NUP153: variants seen among roughly 807,000 people sequenced by gnomAD.
NUP153 encodes the protein nucleoporin 153, also known as nuclear pore complex protein Nup153.
A neutral mutation model predicts 134.6 loss-of-function variants in NUP153; 27 were observed. That is an observed-to-expected ratio of 0.20 (90% CI 0.15 to 0.28). The LOEUF is 0.28. Among genes scored for constraint, NUP153 ranks in the 10% least tolerant of loss-of-function variants. NUP153 has a pLI of 1.00. For missense variants in NUP153, 1,821 were observed against 1,731.3 expected, an observed-to-expected ratio of 1.05 and a Z score of -0.92; for synonymous variants, 640 against 623.5, an observed-to-expected ratio of 1.03 and a Z score of -0.40.
At chr6:17,669,081 C>CAT in intron 7 of NUP153, 53 bp from the exon 8 acceptor site, 6 of 930,274 alleles carry the variant, frequency 6.4e-6, no homozygotes, top group Non-Finnish European at 9.0e-6. Context: ...TGAAAAATAC[C>CAT]TTTTTTTTTT....
chr6:17,635,848 T>C (rs1262265860), intron 16 of NUP153, among the ~76,000 whole-genome samples: 5 of 152,252 alleles, frequency 3.3e-5, no homozygotes, highest in Non-Finnish European at 7.3e-5. Context: ...GGTTCATCAT[T>C]GAAAGGAGGA....
At chr6:17,705,941 A>G (rs2150258131) in intron 1 of NUP153, among the ~76,000 whole-genome samples, 1 of 152,190 alleles carries the variant, frequency 6.6e-6, no homozygotes, top group Admixed American at 6.5e-5. Flanking sequence ...CATGAGTAAT[A>G]CCCTCAAATT....
chr6:17,700,119 A>G (rs1225594742), intron 1 of NUP153, among the ~76,000 whole-genome samples: 2 of 152,226 alleles, frequency 1.3e-5, no homozygotes, highest in African/African-American at 2.4e-5. Flanking sequence ...AGGAAAATTC[A>G]GAGACAATAT....
rs202054964 is a variant in NUP153, at chr6:17,632,694, A to C, written c.2615T>G (p.Leu872Trp). 3 of 1,612,776 alleles carry C rather than the reference A, an allele frequency of 1.9e-6. No individual in the cohort carries two copies. Among genetic ancestry groups the C allele is most frequent in the Non-Finnish European group, 2.5e-6 (3 of 1,179,690 alleles). Reference protein sequence around the residue: ...VQNKADSTKCLACESAKPGTK... With the variant: ...VQNKADSTKCWACESAKPGTK... Reference sequence around the variant, plus strand: ...GCCTGGCTTTGCACTTTCACATGCCAAACATTTGGTAGAGTCTGCCTTATT... The same window carrying C: ...GCCTGGCTTTGCACTTTCACATGCCCAACATTTGGTAGAGTCTGCCTTATT... The change falls in exon 17 of 22, where the codon TTG becomes TGG. Residue 872 changes from leucine to tryptophan, a missense_variant. Transcript: ENST00000262077.
At position 17,629,307 on chromosome 6, in the gene NUP153, T is replaced by G. The variant is rs370880717; in HGVS notation, c.2892A>C (p.Ser964=). ...KPIGDFKFGV[S]SESKPEEVKK... is the part of the protein sequence containing the mutation. ...TAACTTCTTCGGGCTTAGATTCAGA[T>G]GAAACTCCAAATTTAAAATCTCCTA... Residue 964 remains serine (S), a synonymous_variant, in exon 18 of 22, where the codon TCA becomes TCC. Coordinates refer to ENST00000262077, the MANE Select transcript of NUP153 (RefSeq NM_005124.4). 3 of 1,607,350 alleles carry G rather than the reference T, an allele frequency of 1.9e-6. No homozygotes were observed. The African/African-American group carries it at 4.0e-5, about 22-fold the overall frequency.
intron 2 of NUP153, among the ~76,000 whole-genome samples, chr6:17,683,875 C>A (rs1333210635): frequency 6.6e-6 from 1 of 152,082 alleles, no homozygotes; most frequent in Non-Finnish European, 1.5e-5. Context: ...AGATGTTTGT[C>A]CCTCCAAATC....
At chr6:17,678,173 C>A (rs887422010) in intron 2 of NUP153, among the ~76,000 whole-genome samples, 1 of 151,576 alleles carries the variant, frequency 6.6e-6, no homozygotes. Flanking sequence ...CTGGCCAACA[C>A]GGCAAAATCC....
chr6:17,706,709 G>A lies in NUP153; in HGVS notation c.-322C>T. 1 of 375,812 alleles carries A rather than the reference G, an allele frequency of 2.7e-6. No homozygotes were observed. Among genetic ancestry groups the A allele is most frequent in the Admixed American group, 4.6e-5 (1 of 21,770 alleles). 23.3% of individuals were successfully genotyped at this position (375,812 alleles called of 1,614,324 possible). ...CAGAGGACAGCACGAACAGTTCCCC[G>A]CGGTGCTGAGGCCTAACTCGACCGC... On this transcript the variant is annotated 5_prime_UTR_variant, in exon 1 of 22. Transcript: ENST00000262077. The surrounding 1 kb of genome is among the most constrained non-coding windows in gnomAD (Gnocchi z 5.9).
chr6:17,652,937 G>A (rs141283559), intron 11 of NUP153, among the ~76,000 whole-genome samples: 3,435 of 152,246 alleles, frequency 0.023, 57 homozygotes, highest in African/African-American at 0.026. Context: ...ACTGAGGTAG[G>A]AGAATCACTT....
chr6:17,616,094 C>A lies in NUP153; in HGVS notation c.*3G>T, dbSNP rs769074780. 14 of 1,603,874 alleles carry A rather than the reference C, an allele frequency of 8.7e-6. No individual in the cohort carries two copies. Among genetic ancestry groups the A allele is most frequent in the Non-Finnish European group, 1.2e-5 (14 of 1,170,826 alleles). ...AAAATTGAGTACAACACCAATGTGA[C>A]CTTTATTTCCTGCGTCTAACAGCAG... On this transcript the variant is annotated 3_prime_UTR_variant, in exon 22 of 22. Transcript: ENST00000262077.
intron 1 of NUP153, among the ~76,000 whole-genome samples, chr6:17,698,340 C>T (rs369273457): frequency 6.6e-6 from 1 of 152,324 alleles, no homozygotes; most frequent in East Asian, 1.9e-4. Flanking sequence ...CGCCTGTAAT[C>T]TCAGTGCTTT....
At chr6:17,655,728 T>C (rs1416217994) in intron 11 of NUP153, among the ~76,000 whole-genome samples, 7 of 152,098 alleles carry the variant, frequency 4.6e-5, no homozygotes, top group African/African-American at 1.7e-4. Flanking sequence ...GTACTGGGAT[T>C]ACAGGTGTGA....
intron 11 of NUP153, among the ~76,000 whole-genome samples, chr6:17,650,253 C>A (rs1360351303): frequency 1.3e-5 from 2 of 152,186 alleles, no homozygotes; most frequent in African/African-American, 4.8e-5. Context: ...GCTTCCTGTT[C>A]TCTTCATGAG....
At chr6:17,685,040 G>A (rs544705773) in intron 2 of NUP153, among the ~76,000 whole-genome samples, 1 of 152,360 alleles carries the variant, frequency 6.6e-6, no homozygotes, top group African/African-American at 2.4e-5. Context: ...ATGTTAGCGT[G>A]TGCTGGTGGA....
intron 11 of NUP153, among the ~76,000 whole-genome samples, chr6:17,651,346 TATTAAATA>T (rs1487895753): frequency 2.6e-5 from 4 of 151,802 alleles, no homozygotes; most frequent in African/African-American, 4.8e-5. Context: ...TAATAATAAA[TATTAAATA>T]ATTAAATAAT....
intron 14 of NUP153, among the ~76,000 whole-genome samples, chr6:17,641,315 T>C (rs376214373): frequency 6.6e-6 from 1 of 151,880 alleles, no homozygotes; most frequent in Non-Finnish European, 1.5e-5. Flanking sequence ...GGCGGGCAGA[T>C]CACGAGGTCA....
At chr6:17,649,696 G>C (rs1766405786) in intron 11 of NUP153, among the ~76,000 whole-genome samples, 1 of 152,204 alleles carries the variant, frequency 6.6e-6, no homozygotes, top group African/African-American at 2.4e-5. Context: ...GATATTTTGA[G>C]AGAGAAAGAG....
At position 17,675,706 on chromosome 6, in the gene NUP153, C is replaced by T; in HGVS notation, c.399G>A (p.Arg133=). The T allele has an allele frequency of 1.2e-6, 2 of 1,613,994 alleles. No homozygotes were observed. Among genetic ancestry groups the T allele is most frequent in the Non-Finnish European group, 8.5e-7 (1 of 1,179,936 alleles). The change falls in exon 3 of 22, where the codon CGG becomes CGA. Residue 133 remains arginine (R), a synonymous_variant. Coordinates refer to ENST00000262077, the MANE Select transcript of NUP153 (RefSeq NM_005124.4). This position sits in a 1 kb window ranked among gnomAD's most constrained non-coding sequence, Gnocchi z 4.4. ...PDVLTRPSLH[R]SHLNFSMLES... ...CCAACATGGAAAAATTCAGATGGCT[C>T]CGATGAAGAGAAGGCCTTGTTAACA...
chr6:17,647,821 G>T lies in NUP153; in HGVS notation c.1618C>A (p.Leu540Ile). ...PIVKSTEANV[L>I]PPSSIGFTFS... ...TTGTTACTTACAGATGATGGAGGTA[G>T]TACATTTGCCTCAGTAGATTTTACG... is the stretch of plus-strand genomic sequence containing the variant. The change falls in exon 13 of 22, where the codon CTA becomes ATA. Residue 540 changes from leucine to isoleucine, a missense_variant. By Grantham distance (5) the Leu-to-Ile change is conservative. Transcript: ENST00000262077. 1.3e-6 allele frequency: 2 copies of T among 1,594,854 alleles called. No individual in the cohort carries two copies. The highest frequency in any genetic ancestry group is 1.7e-6 in the Non-Finnish European group (2 of 1,162,556).
Sources: allele counts gnomAD v4.1 joint callset (sites outside exome capture counted in the v4.1 genomes callset), GRCh38; gene constraint gnomAD v4.1.1; non-coding constraint Gnocchi (gnomAD v3.1); transcripts MANE v1.5; gene names NCBI Gene and HGNC (gene_info 2026-07-23, HGNC 2026-07-21).